XPO1: variants seen among roughly 807,000 people sequenced by gnomAD.
XPO1 encodes the protein exportin-1.
XPO1 carries 5 observed loss-of-function variants against 133.3 expected under a neutral mutation model. That is an observed-to-expected ratio of 0.04 (90% CI 0.02 to 0.08). The LOEUF (loss-of-function observed/expected upper bound fraction) is 0.08, where lower values mean the gene tolerates loss of function less well. Among genes scored for constraint, XPO1 ranks in the 10% least tolerant of loss-of-function variants. The pLI is 1.00. For synonymous variants in XPO1, 419 were observed against 408.2 expected, an observed-to-expected ratio of 1.03 and a Z score of -0.32; for missense variants, 506 against 1,267.5, an observed-to-expected ratio of 0.40 and a Z score of 9.12.
At chr2:61,524,313 CT>C (rs1220739758) in intron 3 of XPO1, among the ~76,000 whole-genome samples, 1 of 152,126 alleles carries the variant, frequency 6.6e-6, no homozygotes, top group African/African-American at 2.4e-5. Flanking sequence ...TTTAACCAAA[CT>C]TTTTTACATT....
intron 3 of XPO1, among the ~76,000 whole-genome samples, chr2:61,525,022 G>C (rs1231038207): frequency 2.0e-5 from 3 of 151,682 alleles, no homozygotes; most frequent in East Asian, 1.9e-4. Context: ...ACATTCTGAA[G>C]AATTATACTT....
chr2:61,490,889 T>C (rs1338662745), intron 16 of XPO1, 113 bp from the exon 17 acceptor site: 16 of 1,292,932 alleles, frequency 1.2e-5, no homozygotes, highest in Non-Finnish European at 1.7e-5. Context: ...GTGCAGTGGA[T>C]CACTCCTGTA....
intron 16 of XPO1, 97 bp downstream of exon 16, chr2:61,491,938 A>T: frequency 2.9e-6 from 4 of 1,361,742 alleles, no homozygotes; most frequent in Non-Finnish European, 4.0e-6. Flanking sequence ...AAACACTTCT[A>T]TTGGATCCAA....
chr2:61,525,224 AC>A, intron 3 of XPO1: 5 of 978,170 alleles, frequency 5.1e-6, no homozygotes, highest in Non-Finnish European at 6.1e-6. Context: ...TGAAACAAAA[AC>A]AATTGATGAA....
At chr2:61,499,652 C>T in intron 7 of XPO1, 61 bp downstream of exon 7, 1 of 1,444,210 alleles carries the variant, frequency 6.9e-7, no homozygotes, top group Non-Finnish European at 9.3e-7. Flanking sequence ...AATTTACATC[C>T]AAACTGCTTG....
At chr2:61,493,171 G>T in intron 12 of XPO1, 118 bp from the exon 13 acceptor site, 1 of 1,012,014 alleles carries the variant, frequency 9.9e-7, no homozygotes, top group Non-Finnish European at 1.4e-6. Context: ...CATGTGTAGG[G>T]ATTCATGCCT....
intron 19 of XPO1, among the ~76,000 whole-genome samples, chr2:61,486,816 A>T (rs1482110048): frequency 6.6e-6 from 1 of 152,030 alleles, no homozygotes; most frequent in African/African-American, 2.4e-5. Flanking sequence ...GATTTCTATT[A>T]TTTTTTTGAA....
chr2:61,486,085 TG>T, intron 19 of XPO1, 123 bp from the exon 20 acceptor site: 2 of 979,102 alleles, frequency 2.0e-6, no homozygotes, highest in African/African-American at 1.6e-5. Flanking sequence ...GAAAATCTTG[TG>T]TTTGTATTAG....
upstream of XPO1, chr2:61,538,418 CTA>C (rs1354070691): frequency 6.5e-6 from 1 of 153,716 alleles, no homozygotes; most frequent in East Asian, 1.9e-4. Context: ...CGCCATGAGC[CTA>C]TCTCTCATTG....
intron 4 of XPO1, among the ~76,000 whole-genome samples, chr2:61,521,945 A>G (rs1174496010): frequency 1.3e-5 from 2 of 152,068 alleles, no homozygotes; most frequent in African/African-American, 4.8e-5. Context: ...TTTTGTAAAC[A>G]CAGGGTCTCG....
Position 61,478,413 on chromosome 2 carries a change from C to CT in XPO1, c.*406dup. ...CAACGCAATTTGTTTTACTCATTAT[C>CT]TTTTCTTCTAGGCTGAAATAGACTA... On this transcript the variant is annotated 3_prime_UTR_variant, in exon 25 of 25. Transcript: ENST00000401558. The CT allele has an allele frequency of 3.8e-6, 1 of 260,878 alleles. No homozygotes were observed. Among genetic ancestry groups the CT allele is most frequent in the East Asian group, 5.7e-5 (1 of 17,476 alleles). 16.2% of individuals were successfully genotyped at this position (260,878 alleles called of 1,614,324 possible). A position where few individuals can be genotyped will look rare whatever the true frequency, so the allele number is the denominator to read the frequency against.
At chr2:61,500,145 T>A (rs1173050337) in intron 6 of XPO1, among the ~76,000 whole-genome samples, 2 of 152,180 alleles carry the variant, frequency 1.3e-5, no homozygotes, top group African/African-American at 4.8e-5. Context: ...ATCCGTCTAA[T>A]GGGTCTGTCT....
chr2:61,498,969 A>G (rs2104496282), intron 7 of XPO1, 56 bp from the exon 8 acceptor site: 1 of 1,503,422 alleles, frequency 6.7e-7, no homozygotes, highest in Non-Finnish European at 8.9e-7. Flanking sequence ...AATAAGTATC[A>G]GTTATCTATA....
intron 19 of XPO1, among the ~76,000 whole-genome samples, chr2:61,486,496 G>T (rs1324973016): frequency 2.6e-5 from 4 of 151,922 alleles, no homozygotes; most frequent in Non-Finnish European, 5.9e-5. Flanking sequence ...TTGCTCTGTC[G>T]CCCAGGCTGG....
At chr2:61,497,059 T>G (rs1218473660) in intron 9 of XPO1, 52 bp from the exon 10 acceptor site, 1 of 1,554,526 alleles carries the variant, frequency 6.4e-7, no homozygotes, top group African/African-American at 1.4e-5. Context: ...GATACACACT[T>G]TACTTAAAAT....
At chr2:61,482,258 G>A in intron 23 of XPO1, 122 bp downstream of exon 23, 2 of 638,436 alleles carry the variant, frequency 3.1e-6, no homozygotes, top group African/African-American at 3.3e-5. Flanking sequence ...TGTCTAGGTT[G>A]GTCTCCAACT....
intron 7 of XPO1, among the ~76,000 whole-genome samples, 166 bp downstream of exon 7, chr2:61,499,547 A>G (rs1023166599): frequency 6.6e-6 from 1 of 152,254 alleles, no homozygotes; most frequent in African/African-American, 2.4e-5. Context: ...GAGGTAAATT[A>G]TTAGGCCCCG....
intron 19 of XPO1, among the ~76,000 whole-genome samples, chr2:61,487,678 G>A (rs1402130690): frequency 1.3e-5 from 2 of 152,154 alleles, no homozygotes; most frequent in Non-Finnish European, 2.9e-5. Flanking sequence ...TTTACAAGTT[G>A]AGGCATACGC....
At chr2:61,537,172 T>C (rs979605605) in intron 1 of XPO1, 1 of 151,974 alleles carries the variant, frequency 6.6e-6, no homozygotes, top group African/African-American at 2.4e-5. Flanking sequence ...TAAATATTTC[T>C]GGAAACTTCC....
Sources: gnomAD v4.1 joint callset for allele counts (sites outside exome capture counted in the v4.1 genomes callset) on GRCh38, gnomAD v4.1.1 for gene constraint, MANE v1.5 for transcripts, NCBI Gene and HGNC (gene_info 2026-07-23, HGNC 2026-07-21) for gene names.